CLASP1: variants seen among roughly 807,000 people sequenced by gnomAD.
The protein encoded by CLASP1 is cytoplasmic linker associated protein 1.
CLASP1 carries 38 observed loss-of-function variants against 192.3 expected under a neutral mutation model. The observed-to-expected ratio is 0.20, with a 90% CI of 0.15 to 0.26. The LOEUF (loss-of-function observed/expected upper bound fraction) is 0.26, where lower values mean the gene tolerates loss of function less well. Ranked by LOEUF, CLASP1 falls within the 10% of genes least tolerant of loss-of-function variation. The pLI, the probability that CLASP1 is intolerant of heterozygous loss-of-function variation, is 1.00. For synonymous variants in CLASP1, 691 were observed against 712.8 expected (o/e 0.97, Z 0.49); for missense variants, 1,433 against 1,932.5 (o/e 0.74, Z 4.85).
intron 20 of CLASP1, among the ~76,000 whole-genome samples, chr2:121,428,120 T>C (rs1160867057): frequency 1.3e-5 from 2 of 152,226 alleles, no homozygotes; most frequent in Admixed American, 6.5e-5. Flanking sequence ...GCCCCAAGGC[T>C]AGGTACAGTA....
exon 2 of CLASP1, chr2:121,605,763 T>C (rs1453858608): frequency 1.3e-5 from 21 of 1,613,888 alleles, no homozygotes; most frequent in Non-Finnish European, 1.5e-5. Context: ...TCTAACATGG[T>C]CTGGTCATGC....
chr2:121,418,366 T>A (rs1159691702), intron 23 of CLASP1, among the ~76,000 whole-genome samples: 1 of 152,254 alleles, frequency 6.6e-6, no homozygotes, highest in Non-Finnish European at 1.5e-5. Flanking sequence ...ACAGATGGGC[T>A]TGCCCAAGAG....
chr2:121,406,150 G>A (rs1200613813), intron 25 of CLASP1, among the ~76,000 whole-genome samples: 2 of 152,012 alleles, frequency 1.3e-5, no homozygotes, highest in Non-Finnish European at 2.9e-5. Flanking sequence ...GGTTTAATAC[G>A]TGGCATTAAT....
intron 19 of CLASP1, among the ~76,000 whole-genome samples, chr2:121,433,604 A>G (rs1200420212): frequency 6.6e-6 from 1 of 152,012 alleles, no homozygotes; most frequent in Non-Finnish European, 1.5e-5. Context: ...AAAATACAAA[A>G]AATTAGTTGG....
At chr2:121,549,564 C>T (rs189410646) in intron 2 of CLASP1, among the ~76,000 whole-genome samples, 27 of 152,006 alleles carry the variant, frequency 1.8e-4, no homozygotes, top group African/African-American at 5.5e-4. Flanking sequence ...TATTCAAGAC[C>T]GGAACTCAAC....
intron 32 of CLASP1, among the ~76,000 whole-genome samples, chr2:121,385,802 T>C (rs760644282): frequency 4.2e-4 from 64 of 152,196 alleles, no homozygotes; most frequent in Non-Finnish European, 1.5e-4. Context: ...TTTTCTCCAC[T>C]AGAAAAGATA....
intron 2 of CLASP1, among the ~76,000 whole-genome samples, chr2:121,602,873 G>A (rs1440905247): frequency 6.6e-6 from 1 of 152,072 alleles, no homozygotes; most frequent in Non-Finnish European, 1.5e-5. Context: ...AAACATTTAA[G>A]AAATGTTTCA....
intron 2 of CLASP1, among the ~76,000 whole-genome samples, chr2:121,558,792 G>T (rs1344633215): frequency 6.6e-6 from 1 of 152,180 alleles, no homozygotes; most frequent in African/African-American, 2.4e-5. Context: ...CCAATTGGGG[G>T]AAAGTGACAG....
At chr2:121,632,821 G>C (rs2069973192) in intron 1 of CLASP1, among the ~76,000 whole-genome samples, 1 of 151,742 alleles carries the variant, frequency 6.6e-6, no homozygotes, top group Non-Finnish European at 1.5e-5. Flanking sequence ...ACTTGAACCT[G>C]GGAGGTGGAG....
At chr2:121,642,831 C>T (rs2072402922) in intron 1 of CLASP1, among the ~76,000 whole-genome samples, 1 of 152,086 alleles carries the variant, frequency 6.6e-6, no homozygotes, top group African/African-American at 2.4e-5. Flanking sequence ...TATAAGAAAA[C>T]CATCCATAAA....
chr2:121,361,856 A>C lies in CLASP1; in HGVS notation c.4206+1316T>G, dbSNP rs142261401. 2.2e-3 allele frequency among the ~76,000 whole-genome samples: 331 copies of C among 152,340 alleles called. 1 individual carries two copies. The highest frequency in any genetic ancestry group is 7.5e-3 in the African/African-American group (312 of 41,580). On this transcript the variant is annotated intron_variant, in intron 37 of 39. Transcript: ENST00000263710. ...TCATGCAACCAAGCCAGATTTTGGA[A>C]ACCCAGTTATTAGTCTGAAAACACA...
chr2:121,391,319 T>C (rs1349126609), intron 30 of CLASP1, among the ~76,000 whole-genome samples: 1 of 152,124 alleles, frequency 6.6e-6, no homozygotes, highest in East Asian at 1.9e-4. Flanking sequence ...AGTGGGGAAA[T>C]CCTCACCTAC....
intron 1 of CLASP1, among the ~76,000 whole-genome samples, chr2:121,611,248 TTG>T (rs2065409788): frequency 3.1e-5 from 1 of 32,608 alleles, no homozygotes; most frequent in Non-Finnish European, 6.2e-5. Flanking sequence ...GGAGGAGGCG[TTG>T]GAGGAGTTAC....
At chr2:121,453,130 T>A (rs1010562636) in intron 14 of CLASP1, among the ~76,000 whole-genome samples, 6 of 152,020 alleles carry the variant, frequency 3.9e-5, no homozygotes, top group East Asian at 1.9e-4. Flanking sequence ...CTACAAAAAA[T>A]TTTTTTAAAA....
At chr2:121,466,214 C>T (rs138127315) in intron 9 of CLASP1, among the ~76,000 whole-genome samples, 83 of 152,208 alleles carry the variant, frequency 5.5e-4, no homozygotes, top group African/African-American at 1.9e-3. Context: ...TTTAAAATGG[C>T]TAATTTTATG....
intron 2 of CLASP1, among the ~76,000 whole-genome samples, chr2:121,572,935 A>C (rs1304657050): frequency 1.3e-5 from 2 of 152,094 alleles, no homozygotes; most frequent in African/African-American, 4.8e-5. Context: ...GCTGAACTAA[A>C]ATTACTCTGC....
chr2:121,535,984 A>T (rs2095056406), intron 2 of CLASP1, among the ~76,000 whole-genome samples: 1 of 152,098 alleles, frequency 6.6e-6, no homozygotes, highest in African/African-American at 2.4e-5. Context: ...AAAATAAAAA[A>T]TAAATACTGT....
At chr2:121,492,290 G>A (rs540574259) in intron 8 of CLASP1, among the ~76,000 whole-genome samples, 21 of 150,690 alleles carry the variant, frequency 1.4e-4, no homozygotes, top group Admixed American at 1.2e-3. Flanking sequence ...CCGGGAGGCT[G>A]AGGCAGTAGA....
At chr2:121,373,966 A>C (rs1320836917) in intron 34 of CLASP1, among the ~76,000 whole-genome samples, 1 of 152,268 alleles carries the variant, frequency 6.6e-6, no homozygotes, top group African/African-American at 2.4e-5. Context: ...AAGGAATTCA[A>C]GGCTGCAGAA....
Sources: gnomAD v4.1 joint callset for allele counts (sites outside exome capture counted in the v4.1 genomes callset) on GRCh38, gnomAD v4.1.1 for gene constraint, MANE v1.5 for transcripts, NCBI Gene and HGNC (gene_info 2026-07-23, HGNC 2026-07-21) for gene names.